MARCHF6: variants seen among roughly 807,000 people sequenced by gnomAD.
The protein encoded by MARCHF6 is E3 ubiquitin-protein ligase MARCHF6.
MARCHF6 carries 31 observed loss-of-function variants against 133.7 expected under a neutral mutation model. That is an observed-to-expected ratio of 0.23 (90% CI 0.17 to 0.31). MARCHF6 has a LOEUF of 0.31. Among genes scored for constraint, MARCHF6 ranks in the 10% least tolerant of loss-of-function variants. The pLI, the probability that MARCHF6 is intolerant of heterozygous loss-of-function variation, is 1.00. For synonymous variants in MARCHF6, 395 were observed against 402.5 expected, an observed-to-expected ratio of 0.98 and a Z score of 0.22; for missense variants, 723 against 1,121.6, an observed-to-expected ratio of 0.64 and a Z score of 5.08.
In MARCHF6 at chr5:10,435,645, ATATATATATATAT is replaced by A. The variant is rs1467523056; in HGVS notation, c.*1962_*1974del. ...TAACTATATAACTATATAACTATAT[ATATATATATATAT>A]ATATATATATATATATATATATATA... is the stretch of plus-strand genomic sequence containing the variant. On this transcript the variant is annotated 3_prime_UTR_variant, in exon 26 of 26. Transcript: ENST00000274140. The A allele has an allele frequency of 0.096, 204 of 2,126 alleles. 14 individuals are homozygous for A. Among genetic ancestry groups the A allele is most frequent in the African/African-American group, 0.2 (193 of 970 alleles). The allele number at this position is 2,126 out of a possible 1,614,324, so 0.1% of individuals were successfully genotyped here. A position where few individuals can be genotyped will look rare whatever the true frequency, so the allele number is the denominator to read the frequency against.
intron 3 of MARCHF6, among the ~76,000 whole-genome samples, chr5:10,379,863 C>G (rs1269432934): frequency 6.6e-6 from 1 of 152,126 alleles, no homozygotes; most frequent in Non-Finnish European, 1.5e-5. Flanking sequence ...GTCACAGCTT[C>G]CCAAAGTGTT....
At chr5:10,366,402 A>G (rs1254125682) in intron 1 of MARCHF6, among the ~76,000 whole-genome samples, 3 of 152,188 alleles carry the variant, frequency 2.0e-5, no homozygotes, top group Admixed American at 2.0e-4. Flanking sequence ...AATTTTATTG[A>G]TAATTACATA....
At chr5:10,378,357 C>T (rs1442981026) in intron 2 of MARCHF6, among the ~76,000 whole-genome samples, 1 of 152,134 alleles carries the variant, frequency 6.6e-6, no homozygotes, top group Non-Finnish European at 1.5e-5. Context: ...GAAATTGAAG[C>T]ATGGGAAGGC....
chr5:10,360,165 TTG>T (rs1391051520), intron 1 of MARCHF6, among the ~76,000 whole-genome samples: 2 of 148,856 alleles, frequency 1.3e-5, no homozygotes, highest in African/African-American at 4.9e-5. Flanking sequence ...TTTTTTTTTT[TTG>T]AGACAGAGTT....
At chr5:10,411,262 A>C (rs1437673552) in intron 18 of MARCHF6, 71 bp from the exon 19 acceptor site, 1 of 1,204,354 alleles carries the variant, frequency 8.3e-7, no homozygotes, top group African/African-American at 1.5e-5. Flanking sequence ...AATATGAAGA[A>C]AATGAGTGTC....
intron 1 of MARCHF6, 36 bp from the exon 2 acceptor site, chr5:10,377,762 A>G (rs532067314): frequency 6.8e-7 from 1 of 1,461,904 alleles, no homozygotes; most frequent in Admixed American, 1.7e-5. Flanking sequence ...AAAAGTTATA[A>G]CCAAAGGAAA....
chr5:10,383,479 A>T (rs1258703912), intron 4 of MARCHF6, among the ~76,000 whole-genome samples: 2 of 152,202 alleles, frequency 1.3e-5, no homozygotes, highest in Admixed American at 1.3e-4. Flanking sequence ...ATGCTTCCAG[A>T]TTATCCTACA....
chr5:10,377,157 C>T (rs1224150053), intron 1 of MARCHF6, among the ~76,000 whole-genome samples: 1 of 152,070 alleles, frequency 6.6e-6, no homozygotes, highest in African/African-American at 2.4e-5. Context: ...GAGGGGTGGG[C>T]TGCGGTCCAA....
chr5:10,373,586 A>G (rs184411227), intron 1 of MARCHF6, among the ~76,000 whole-genome samples: 16 of 152,230 alleles, frequency 1.1e-4, no homozygotes, highest in Admixed American at 5.2e-4. Context: ...ACAGGCAGCA[A>G]TGTGCCAGCA....
intron 19 of MARCHF6, among the ~76,000 whole-genome samples, chr5:10,413,618 C>T (rs147676075): frequency 6.6e-6 from 1 of 152,354 alleles, no homozygotes; most frequent in Non-Finnish European, 1.5e-5. Context: ...TTAATTGACT[C>T]ATAGCATTCA....
rs551506433 is a variant in MARCHF6 at position 10,409,113 on chromosome 5, G to A, written c.1554-1026G>A. On this transcript the variant is annotated intron_variant, in intron 17 of 25. Coordinates refer to ENST00000274140, the MANE Select transcript of MARCHF6 (RefSeq NM_005885.4). ...TGGGATTATAGGTGTGAGCCACTGC[G>A]CCCAGCCTCTTATTTGGATCTTAAT... Among the ~76,000 whole-genome samples, 20 of 152,148 alleles carry A rather than the reference G, an allele frequency of 1.3e-4. No individual in the cohort carries two copies. The South Asian group carries it at 3.3e-3, about 25-fold the overall frequency.
At chr5:10,385,098 A>G (rs1191369844) in intron 4 of MARCHF6, among the ~76,000 whole-genome samples, 3 of 152,234 alleles carry the variant, frequency 2.0e-5, no homozygotes, top group Non-Finnish European at 4.4e-5. Flanking sequence ...ACAAAATCGT[A>G]TGATTGCATG....
intron 10 of MARCHF6, among the ~76,000 whole-genome samples, chr5:10,399,916 T>C (rs1738424829): frequency 6.6e-6 from 1 of 152,196 alleles, no homozygotes; most frequent in South Asian, 2.1e-4. Context: ...TCCATCTGCT[T>C]CCTGGATGTC....
Position 10,394,737 on chromosome 5 carries a change from T to G in MARCHF6, c.829-16T>G. 1.3e-6 allele frequency: 2 copies of G among 1,571,162 alleles called. No homozygotes were observed. The highest frequency in any genetic ancestry group is 8.7e-7 in the Non-Finnish European group (1 of 1,149,488). On this transcript the variant is annotated splice_polypyrimidine_tract_variant and intron_variant, in intron 8 of 25. Transcript: ENST00000274140. ...TTGCATCTTAAATTAATGCTTATCG[T>G]TTTTGTTTATTTTAGATGCTAGGAC...
chr5:10,417,212 A>C (rs529926745), intron 21 of MARCHF6, 58 bp from the exon 22 acceptor site: 1 of 1,576,196 alleles, frequency 6.3e-7, no homozygotes, highest in South Asian at 1.2e-5. Context: ...TCAAAATGGA[A>C]ATAGAGTTTG....
intron 21 of MARCHF6, 109 bp downstream of exon 21, chr5:10,415,778 T>A: frequency 1.1e-6 from 1 of 915,796 alleles, no homozygotes; most frequent in Non-Finnish European, 1.6e-6. Flanking sequence ...CTATATTGTT[T>A]CAAGAGAGTT....
At position 10,378,882 on chromosome 5, in the gene MARCHF6, G is replaced by A. The variant is rs757000616; in HGVS notation, c.190+50G>A. 1.6e-5 allele frequency: 20 copies of A among 1,224,852 alleles called. No individual in the cohort carries two copies. The Admixed American group carries it at 3.0e-4, about 18-fold the overall frequency. The allele number at this position is 1,224,852 out of a possible 1,614,324, so 75.9% of individuals were successfully genotyped here. A position where few individuals can be genotyped will look rare whatever the true frequency, so the allele number is the denominator to read the frequency against. ...GCATTTTTTTTGGTTATCACTCGTG[G>A]CATAAAGGTGTTTGATATGATCAGT... On this transcript the variant is annotated intron_variant, in intron 3 of 25. Transcript: ENST00000274140.
intron 9 of MARCHF6, among the ~76,000 whole-genome samples, chr5:10,396,597 G>A (rs183715021): frequency 2.6e-5 from 4 of 152,252 alleles, no homozygotes; most frequent in Admixed American, 2.0e-4. Flanking sequence ...TGATGGTTGC[G>A]GGGAAGGTTG....
rs1459754657 is a variant in MARCHF6 at position 10,435,632 on chromosome 5, TATATAA to T, written c.*1949_*1954del. The T allele has an allele frequency of 3.3e-3, 3 of 902 alleles. No individual in the cohort carries two copies. Among genetic ancestry groups the T allele is most frequent in the Admixed American group, 0.023 (1 of 44 alleles). 0.1% of individuals were successfully genotyped at this position (902 alleles called of 1,614,324 possible). A position where few individuals can be genotyped will look rare whatever the true frequency, so the allele number is the denominator to read the frequency against. Reference sequence around the variant, plus strand: ...TGAATTGAGCATATAACTATATAACTATATAACTATATATATATATATATATATATA... The same window carrying T: ...TGAATTGAGCATATAACTATATAACTCTATATATATATATATATATATATA... On this transcript the variant is annotated 3_prime_UTR_variant, in exon 26 of 26. Coordinates refer to ENST00000274140, the MANE Select transcript of MARCHF6 (RefSeq NM_005885.4).
Sources: gnomAD v4.1 joint callset for allele counts (sites outside exome capture counted in the v4.1 genomes callset) on GRCh38, gnomAD v4.1.1 for gene constraint, MANE v1.5 for transcripts, NCBI Gene and HGNC (gene_info 2026-07-23, HGNC 2026-07-21) for gene names.